MARCHF1: variants seen among roughly 807,000 people sequenced by gnomAD.
MARCHF1 encodes E3 ubiquitin-protein ligase MARCHF1.
In MARCHF1, 40 loss-of-function variants were observed where a neutral mutation model predicts 54.2. The observed-to-expected ratio is 0.74, with a 90% CI of 0.57 to 0.96. The LOEUF (loss-of-function observed/expected upper bound fraction) is 0.96, where lower values mean the gene tolerates loss of function less well. MARCHF1 is among the 40% of genes least tolerant of loss of function. The pLI is 0.00. For synonymous variants in MARCHF1, 236 were observed against 236.3 expected, an observed-to-expected ratio of 1.00 and a Z score of 0.01; for missense variants, 586 against 656.5, an observed-to-expected ratio of 0.89 and a Z score of 1.17.
intron 3 of MARCHF1, among the ~76,000 whole-genome samples, chr4:163,900,322 C>T (rs1750910514): frequency 6.6e-6 from 1 of 150,784 alleles, no homozygotes; most frequent in African/African-American, 2.4e-5. Flanking sequence ...TATGTTCCTA[C>T]CCACAGAGTA....
At chr4:163,965,092 C>T (rs548631605) in intron 3 of MARCHF1, among the ~76,000 whole-genome samples, 3 of 151,974 alleles carry the variant, frequency 2.0e-5, no homozygotes, top group African/African-American at 7.2e-5. Context: ...TTAAGAGGTT[C>T]AAAAAACTCA....
intron 3 of MARCHF1, among the ~76,000 whole-genome samples, chr4:163,940,000 A>T (rs1751877582): frequency 6.6e-6 from 1 of 152,200 alleles, no homozygotes; most frequent in Non-Finnish European, 1.5e-5. Flanking sequence ...TTTGGAGATA[A>T]TAAGGTCACA....
At chr4:163,727,314 CT>C (rs35283708) in intron 4 of MARCHF1, among the ~76,000 whole-genome samples, 58,627 of 143,346 alleles carry the variant, frequency 0.41, 11,553 homozygotes, top group Admixed American at 0.45. Context: ...TCTTTTTTTT[CT>C]TTTTTTTTTT....
intron 4 of MARCHF1, among the ~76,000 whole-genome samples, chr4:163,833,828 T>A (rs1310140632): frequency 6.6e-6 from 1 of 152,146 alleles, no homozygotes; most frequent in Non-Finnish European, 1.5e-5. Flanking sequence ...TGTGGAATAA[T>A]GAGTTTCAGT....
At chr4:164,350,326 G>C (rs1303999459) in intron 1 of MARCHF1, among the ~76,000 whole-genome samples, 1 of 152,122 alleles carries the variant, frequency 6.6e-6, no homozygotes, top group Non-Finnish European at 1.5e-5. Context: ...GTTCAGAGTA[G>C]AATTGAGGTT....
At chr4:164,368,644 G>C (rs1730946432) in intron 1 of MARCHF1, among the ~76,000 whole-genome samples, 1 of 152,116 alleles carries the variant, frequency 6.6e-6, no homozygotes, top group African/African-American at 2.4e-5. Flanking sequence ...TGCACATAAT[G>C]ACCAACCAGG....
intron 3 of MARCHF1, among the ~76,000 whole-genome samples, chr4:163,913,702 T>C (rs1751245447): frequency 6.6e-6 from 1 of 152,190 alleles, no homozygotes; most frequent in South Asian, 2.1e-4. Context: ...ACTCTTGTTA[T>C]CAAACACATG....
At chr4:163,726,293 C>T (rs1272777678) in intron 4 of MARCHF1, among the ~76,000 whole-genome samples, 1 of 152,200 alleles carries the variant, frequency 6.6e-6, no homozygotes, top group Non-Finnish European at 1.5e-5. Context: ...TCCCCAACCT[C>T]TGGCAACCAC....
intron 4 of MARCHF1, among the ~76,000 whole-genome samples, chr4:163,714,850 C>T (rs1745211022): frequency 6.6e-6 from 1 of 151,988 alleles, no homozygotes; most frequent in Middle Eastern, 3.4e-3. Context: ...TTTTAAAAAA[C>T]TTTTTATTTT....
chr4:164,312,966 TCA>T (rs1734902415), intron 1 of MARCHF1, among the ~76,000 whole-genome samples: 2 of 152,054 alleles, frequency 1.3e-5, no homozygotes, highest in Admixed American at 1.3e-4. Context: ...AAGTCAGTAC[TCA>T]CTCTCAATGC....
chr4:164,301,308 T>C (rs568546118), intron 1 of MARCHF1, among the ~76,000 whole-genome samples: 2 of 152,306 alleles, frequency 1.3e-5, no homozygotes, highest in South Asian at 2.1e-4. Context: ...TTTGAAGATA[T>C]GATTGCTAGA....
chr4:163,689,885 G>T (rs1404478790), intron 5 of MARCHF1, among the ~76,000 whole-genome samples: 1 of 152,178 alleles, frequency 6.6e-6, no homozygotes, highest in Non-Finnish European at 1.5e-5. Flanking sequence ...CTATCAAAGA[G>T]TTTAAATTAA....
At chr4:163,532,486 A>T (rs1445911065) in intron 9 of MARCHF1, among the ~76,000 whole-genome samples, 2 of 151,936 alleles carry the variant, frequency 1.3e-5, no homozygotes, top group African/African-American at 2.4e-5. Flanking sequence ...AGCTTCTAAA[A>T]GATAAGAAAA....
chr4:163,859,245 T>C (rs1490390815), intron 3 of MARCHF1, among the ~76,000 whole-genome samples: 1 of 152,088 alleles, frequency 6.6e-6, no homozygotes. Context: ...AACCTTTCTA[T>C]GAATTCAGAT....
rs1247241985 is a variant in MARCHF1 at position 164,283,103 on chromosome 4, GC to G, written c.-323+100766del. The stretch of plus-strand genomic sequence containing the variant: ...CACATGATAGTGTAGTTTTCAAAGA[GC>G]AAAAATACCAATCCTTACTACATCC... On this transcript the variant is annotated intron_variant, in intron 1 of 9. Coordinates refer to ENST00000514618, the MANE Select transcript of MARCHF1 (RefSeq NM_001394959.1). Among the ~76,000 whole-genome samples the G allele has an allele frequency of 2.6e-4, 40 of 151,110 alleles. 4 individuals are homozygous for G. The Admixed American group carries it at 2.7e-3, about 10-fold the overall frequency.
chr4:163,590,057 G>GGGGTGTGTGTGTGTGTGT (rs373502941), intron 7 of MARCHF1, among the ~76,000 whole-genome samples: 2 of 146,168 alleles, frequency 1.4e-5, no homozygotes, highest in Non-Finnish European at 3.0e-5. Context: ...TTTAGATTTT[G>GGGGTGTGTGTGTGTGTGT]GTGTGTGTGT....
intron 1 of MARCHF1, among the ~76,000 whole-genome samples, chr4:164,273,419 T>C (rs754906751): frequency 6.6e-6 from 1 of 152,120 alleles, no homozygotes; most frequent in Non-Finnish European, 1.5e-5. Context: ...ATGGGGGCTA[T>C]GGGGATTACA....
chr4:163,559,611 A>G (rs1253917463), intron 8 of MARCHF1, among the ~76,000 whole-genome samples: 2 of 152,230 alleles, frequency 1.3e-5, no homozygotes, highest in Non-Finnish European at 2.9e-5. Context: ...ACTGGATTTG[A>G]GTCACCTCTC....
intron 4 of MARCHF1, among the ~76,000 whole-genome samples, chr4:163,740,072 C>CTT (rs1746152107): frequency 6.6e-6 from 1 of 152,144 alleles, no homozygotes; most frequent in Non-Finnish European, 1.5e-5. Context: ...TTGAACTAAA[C>CTT]TTGGTTCACA....
Sources: gnomAD v4.1 joint callset for allele counts (sites outside exome capture counted in the v4.1 genomes callset) on GRCh38, gnomAD v4.1.1 for gene constraint, MANE v1.5 for transcripts, NCBI Gene and HGNC (gene_info 2026-07-23, HGNC 2026-07-21) for gene names.